Variants in UMAD1 observed in about 807,000 individuals in gnomAD.
UMAD1 encodes the protein UBAP1-MVB12-associated (UMA) domain containing 1, also known as UBAP1-MVB12-associated (UMA)-domain containing protein 1.
Under a neutral mutation model 6.1 loss-of-function variants are expected in UMAD1, and 8 were observed. The ratio of observed to expected loss-of-function variants is 1.30; its 90% CI spans 0.76 to 2.35. The LOEUF (loss-of-function observed/expected upper bound fraction) is 2.35, where lower values mean the gene tolerates loss of function less well. UMAD1 is among the 30% of genes most tolerant of loss of function. The probability of loss-of-function intolerance (pLI) is 0.00; values close to 1 mark genes in which losing one functional copy is unlikely to be tolerated. For synonymous variants in UMAD1, 56 were observed against 31.4 expected (o/e 1.78, Z -2.61); for missense variants, 130 against 78.4 (o/e 1.66, Z -2.49).
intron 1 of UMAD1, among the ~76,000 whole-genome samples, chr7:7,645,379 G>T (rs1303358030): frequency 6.6e-6 from 1 of 152,194 alleles, no homozygotes; most frequent in African/African-American, 2.4e-5. Flanking sequence ...TACTTATGTG[G>T]TAGTGCACTA....
At chr7:7,659,278 G>A (rs534101098) in intron 1 of UMAD1, among the ~76,000 whole-genome samples, 5 of 151,940 alleles carry the variant, frequency 3.3e-5, no homozygotes, top group African/African-American at 9.7e-5. Flanking sequence ...TTGATTTTTC[G>A]AAGGGTTTTT....
intron 2 of UMAD1, among the ~76,000 whole-genome samples, chr7:7,770,362 A>C (rs1396597205): frequency 6.6e-6 from 1 of 151,904 alleles, no homozygotes; most frequent in Non-Finnish European, 1.5e-5. Context: ...TTTATCATTG[A>C]CTCTCATTCC....
In UMAD1 at chr7:7,878,227, T is replaced by G. The variant is rs1259931213; in HGVS notation, c.*689T>G. Reference sequence around the variant, plus strand: ...GCCTTTTTGCTACTTCAGTGTGCTCTCTGACCAGCTTTCCAAAGAACTTTC... The same window carrying G: ...GCCTTTTTGCTACTTCAGTGTGCTCGCTGACCAGCTTTCCAAAGAACTTTC... On this transcript the variant is annotated 3_prime_UTR_variant, in exon 4 of 4. Transcript: ENST00000682710. 1.3e-5 allele frequency: 2 copies of G among 152,418 alleles called. No homozygotes were observed. The highest frequency in any genetic ancestry group is 2.9e-5 in the Non-Finnish European group (2 of 68,134). 9.4% of individuals were successfully genotyped at this position (152,418 alleles called of 1,614,324 possible).
chr7:7,650,355 T>A (rs1785197339), intron 1 of UMAD1, among the ~76,000 whole-genome samples: 1 of 152,232 alleles, frequency 6.6e-6, no homozygotes, highest in Non-Finnish European at 1.5e-5. Flanking sequence ...TCATTCGAGT[T>A]CTCAAAGCAT....
At chr7:7,743,416 T>G (rs1452498267) in intron 2 of UMAD1, among the ~76,000 whole-genome samples, 1 of 152,128 alleles carries the variant, frequency 6.6e-6, no homozygotes, top group East Asian at 1.9e-4. Flanking sequence ...GTTAAAGAAC[T>G]ACAGATACAA....
chr7:7,734,986 A>AT (rs1751722261), intron 2 of UMAD1, among the ~76,000 whole-genome samples: 1 of 152,152 alleles, frequency 6.6e-6, no homozygotes, highest in Admixed American at 6.5e-5. Flanking sequence ...TAGTCCTAAA[A>AT]TTATATTTAA....
chr7:7,678,143 GT>G (rs71010997), intron 2 of UMAD1, among the ~76,000 whole-genome samples: 140,177 of 151,766 alleles, frequency 0.92, 64,871 homozygotes, highest in African/African-American at 0.98. Context: ...TCTGTTTTTA[GT>G]TTTTTTGAGG....
At chr7:7,762,384 C>T (rs1245042033) in intron 2 of UMAD1, among the ~76,000 whole-genome samples, 2 of 152,136 alleles carry the variant, frequency 1.3e-5, no homozygotes, top group East Asian at 1.9e-4. Context: ...TATTTTCATT[C>T]GAGGTTTCTT....
intron 3 of UMAD1, among the ~76,000 whole-genome samples, chr7:7,834,016 C>CTTTTT (rs4034895): frequency 0.014 from 1,549 of 110,286 alleles, 1 homozygote; most frequent in Non-Finnish European, 0.022. Context: ...TTTTTCTTTT[C>CTTTTT]TTTTTTTTTT....
rs28915976 is a variant in UMAD1, at chr7:7,682,971, G to A, written c.82+9518G>A. Among the ~76,000 whole-genome samples, 157 of 152,294 alleles carry A rather than the reference G, an allele frequency of 1.0e-3. 2 individuals are homozygous for A. The highest frequency in any genetic ancestry group is 3.5e-3 in the African/African-American group (147 of 41,562). ...CTGGTTTACCTGTTAATCTAGCAGCGTTTCAGTTTCAGTTTTTCGGAGGTG... is the reference window on the plus strand; with the variant it reads ...CTGGTTTACCTGTTAATCTAGCAGCATTTCAGTTTCAGTTTTTCGGAGGTG... On this transcript the variant is annotated intron_variant, in intron 2 of 3. Transcript: ENST00000682710.
intron 2 of UMAD1, among the ~76,000 whole-genome samples, chr7:7,714,714 C>G (rs940775387): frequency 2.6e-5 from 4 of 152,074 alleles, no homozygotes; most frequent in Non-Finnish European, 5.9e-5. Flanking sequence ...AAATAAAGGC[C>G]TCAGCTGAAA....
At chr7:7,810,207 A>T (rs1583842092) in intron 3 of UMAD1, among the ~76,000 whole-genome samples, 1 of 93,212 alleles carries the variant, frequency 1.1e-5, no homozygotes, top group Admixed American at 1.2e-4. Context: ...TTACTCACAC[A>T]AGATATTCAT....
intron 3 of UMAD1, among the ~76,000 whole-genome samples, chr7:7,863,491 A>G (rs749003425): frequency 3.9e-5 from 6 of 152,188 alleles, no homozygotes; most frequent in African/African-American, 1.4e-4. Context: ...TGGGGCATGC[A>G]CATGTTTTAA....
intron 2 of UMAD1, among the ~76,000 whole-genome samples, chr7:7,789,789 C>T (rs986823478): frequency 5.3e-5 from 8 of 152,128 alleles, no homozygotes; most frequent in Admixed American, 1.3e-4. Flanking sequence ...ATCAATTTCC[C>T]CTTAAAGCTA....
intron 3 of UMAD1, among the ~76,000 whole-genome samples, chr7:7,861,837 G>A (rs961122418): frequency 1.7e-4 from 26 of 152,272 alleles, no homozygotes; most frequent in African/African-American, 6.0e-4. Context: ...GCAATTCTAA[G>A]TACATACTAA....
intron 3 of UMAD1, among the ~76,000 whole-genome samples, chr7:7,862,637 T>C (rs1784136044): frequency 6.6e-6 from 1 of 152,180 alleles, no homozygotes; most frequent in Non-Finnish European, 1.5e-5. Context: ...GATGCTGTAG[T>C]TTTCTAAGCT....
At chr7:7,678,803 T>C (rs868348721) in intron 2 of UMAD1, among the ~76,000 whole-genome samples, 9 of 28,918 alleles carry the variant, frequency 3.1e-4, no homozygotes, top group Non-Finnish European at 4.4e-4. Context: ...AGTTTATAAA[T>C]ATATTTATAT....
intron 3 of UMAD1, among the ~76,000 whole-genome samples, chr7:7,809,567 C>A (rs1489359810): frequency 6.6e-6 from 1 of 151,926 alleles, no homozygotes. Flanking sequence ...CATTTAAAAT[C>A]TCTTTTAGCA....
chr7:7,812,336 G>A (rs888590676), intron 3 of UMAD1, among the ~76,000 whole-genome samples: 2 of 152,182 alleles, frequency 1.3e-5, no homozygotes, highest in Admixed American at 1.3e-4. Flanking sequence ...TTCCCTGCCA[G>A]AAACCCGCTA....
Sources: gnomAD v4.1 joint callset for allele counts (sites outside exome capture counted in the v4.1 genomes callset) on GRCh38, gnomAD v4.1.1 for gene constraint, MANE v1.5 for transcripts, NCBI Gene and HGNC (gene_info 2026-07-23, HGNC 2026-07-21) for gene names.